PAPSS2: variants seen among roughly 807,000 people sequenced by gnomAD.
The protein encoded by PAPSS2 is 3'-phosphoadenosine 5'-phosphosulfate synthase 2.
Under a neutral mutation model 66.5 loss-of-function variants are expected in PAPSS2, and 61 were observed. The observed-to-expected ratio is 0.92, with a 90% CI of 0.75 to 1.14. The LOEUF (loss-of-function observed/expected upper bound fraction) is 1.14, where lower values mean the gene tolerates loss of function less well. Among genes scored for constraint, PAPSS2 ranks in the 50% most tolerant of loss-of-function variants. The pLI, the probability that PAPSS2 is intolerant of heterozygous loss-of-function variation, is 0.00. For synonymous variants in PAPSS2, 289 were observed against 287.5 expected (o/e 1.01, Z -0.05); for missense variants, 708 against 789.6 (o/e 0.90, Z 1.24).
chr10:87,732,858 T>C (rs1230460327), intron 9 of PAPSS2, among the ~76,000 whole-genome samples: 2 of 152,190 alleles, frequency 1.3e-5, no homozygotes, highest in East Asian at 1.9e-4. Context: ...CTTTAGGTTA[T>C]TAGGGGGACT....
At position 87,745,976 on chromosome 10, in the gene PAPSS2, T is replaced by A. The variant is rs1366285722; in HGVS notation, c.*6T>A. ...GGTCCCTGGAGAAGAACTAAGCCTT[T>A]GGCTCCAGAGTTTCTTTCTGAAGTG... On this transcript the variant is annotated 3_prime_UTR_variant, in exon 13 of 13. Coordinates refer to ENST00000456849, the MANE Select transcript of PAPSS2 (RefSeq NM_001015880.2). 6.2e-7 allele frequency: 1 copy of A among 1,613,952 alleles called. No individual in the cohort carries two copies. Among genetic ancestry groups the A allele is most frequent in the Admixed American group, 1.7e-5 (1 of 60,024 alleles).
In PAPSS2 at chr10:87,659,905, T is replaced by TGCC. The variant is rs1554860724; in HGVS notation, c.-60_-58dup. The TGCC allele has an allele frequency of 1.0e-3, 1,442 of 1,423,762 alleles. 9 individuals carry two copies. The East Asian group carries it at 0.02, about 20-fold the overall frequency. The allele number at this position is 1,423,762 out of a possible 1,614,324, so 88.2% of individuals were successfully genotyped here. ...CCGCTGCTGCTGCTGCTGCTGCTGC[T>TGCC]GCCGCCGCCGCCGCCGCCGTCCCTG... On this transcript the variant is annotated 5_prime_UTR_variant, in exon 1 of 13. Transcript: ENST00000456849.
intron 9 of PAPSS2, 38 bp from the exon 10 acceptor site, chr10:87,741,197 C>G: frequency 6.2e-7 from 1 of 1,608,054 alleles, no homozygotes; most frequent in Non-Finnish European, 8.5e-7. Context: ...ATAGAAATCA[C>G]AATTAATCAT....
At chr10:87,743,777 A>G in intron 11 of PAPSS2, 136 bp downstream of exon 11, 1 of 1,032,708 alleles carries the variant, frequency 9.7e-7, no homozygotes. Flanking sequence ...TCTCTTCTTT[A>G]TCTAGCTTAA....
intron 1 of PAPSS2, among the ~76,000 whole-genome samples, chr10:87,660,556 T>C (rs1269318163): frequency 6.6e-6 from 1 of 152,052 alleles, no homozygotes; most frequent in Non-Finnish European, 1.5e-5. Context: ...GATTTCGGCA[T>C]TGGGTGGCAT....
chr10:87,736,417 G>A (rs1240236430), intron 9 of PAPSS2, among the ~76,000 whole-genome samples: 1 of 151,666 alleles, frequency 6.6e-6, no homozygotes. Context: ...ACAGGTGCCC[G>A]CCACCAGGCC....
At chr10:87,713,003 C>A in intron 2 of PAPSS2, 72 bp from the exon 3 acceptor site, 14 of 782,954 alleles carry the variant, frequency 1.8e-5, no homozygotes, top group Middle Eastern at 2.4e-4. Flanking sequence ...TTTAAAATTA[C>A]TAGATTAGTT....
intron 1 of PAPSS2, among the ~76,000 whole-genome samples, chr10:87,682,794 A>G (rs926548061): frequency 6.6e-6 from 1 of 152,178 alleles, no homozygotes; most frequent in Non-Finnish European, 1.5e-5. Context: ...GGCACAATAA[A>G]AAGAAGGAGC....
chr10:87,670,043 T>C (rs757533639), intron 1 of PAPSS2, among the ~76,000 whole-genome samples: 33 of 152,210 alleles, frequency 2.2e-4, no homozygotes, highest in Non-Finnish European at 7.4e-5. Flanking sequence ...AAAGAGTAAG[T>C]GGCATAAATT....
intron 1 of PAPSS2, among the ~76,000 whole-genome samples, chr10:87,674,145 G>A (rs1852915128): frequency 6.6e-6 from 1 of 152,146 alleles, no homozygotes; most frequent in African/African-American, 2.4e-5. Context: ...AAGTCAGGAA[G>A]GTTGTGAACT....
At chr10:87,703,307 G>A (rs1380044600) in intron 1 of PAPSS2, among the ~76,000 whole-genome samples, 1 of 126,908 alleles carries the variant, frequency 7.9e-6, no homozygotes, top group African/African-American at 2.9e-5. Context: ...GTGTGTGTGT[G>A]TGTGTGTGTA....
At chr10:87,721,729 T>C in intron 7 of PAPSS2, 27 bp from the exon 8 acceptor site, 1 of 1,522,500 alleles carries the variant, frequency 6.6e-7, no homozygotes, top group Non-Finnish European at 8.9e-7. Context: ...CTGAAAATGT[T>C]TCTTAATTGT....
At chr10:87,704,922 G>A (rs750369824) in intron 1 of PAPSS2, among the ~76,000 whole-genome samples, 3 of 152,180 alleles carry the variant, frequency 2.0e-5, no homozygotes, top group Non-Finnish European at 4.4e-5. Flanking sequence ...GATTACAGGC[G>A]AGAACCACCA....
At chr10:87,670,084 G>A (rs889713933) in intron 1 of PAPSS2, among the ~76,000 whole-genome samples, 4 of 152,170 alleles carry the variant, frequency 2.6e-5, no homozygotes, top group Admixed American at 6.5e-5. Flanking sequence ...ACTATCACAC[G>A]CATTTCTTTC....
intron 11 of PAPSS2, 46 bp from the exon 12 acceptor site, chr10:87,744,956 G>A (rs1365521059): frequency 6.5e-7 from 1 of 1,537,700 alleles, no homozygotes; most frequent in East Asian, 2.2e-5. Context: ...ATGACCTACA[G>A]ATTTGACCCA....
rs987683600 is a variant in PAPSS2, at chr10:87,667,078, T to C, written c.27+7070T>C. 4.6e-5 allele frequency among the ~76,000 whole-genome samples: 7 copies of C among 152,358 alleles called. No individual in the cohort carries two copies. The South Asian group carries it at 1.4e-3, about 32-fold the overall frequency. ...AGCTTTCCCAAAAGGTTAATTGGTT[T>C]ATCATAAGCATTGAATTTGTTATAA... On this transcript the variant is annotated intron_variant, in intron 1 of 12. Transcript: ENST00000456849.
intron 1 of PAPSS2, among the ~76,000 whole-genome samples, chr10:87,695,473 C>T (rs966669498): frequency 6.6e-6 from 1 of 152,164 alleles, no homozygotes; most frequent in African/African-American, 2.4e-5. Flanking sequence ...GGGCAAAAGG[C>T]AAGGGGAGGA....
chr10:87,698,596 A>G (rs940951705), intron 1 of PAPSS2, among the ~76,000 whole-genome samples: 1 of 152,240 alleles, frequency 6.6e-6, no homozygotes, highest in African/African-American at 2.4e-5. Flanking sequence ...TGTTTGCATG[A>G]TAAGTAAATG....
chr10:87,666,636 T>A (rs544519323), intron 1 of PAPSS2, among the ~76,000 whole-genome samples: 1 of 152,222 alleles, frequency 6.6e-6, no homozygotes, highest in African/African-American at 2.4e-5. Context: ...CAATTTCAAG[T>A]GCGTTCTTGT....
Sources: gnomAD v4.1 joint callset for allele counts (sites outside exome capture counted in the v4.1 genomes callset) on GRCh38, gnomAD v4.1.1 for gene constraint, MANE v1.5 for transcripts, NCBI Gene and HGNC (gene_info 2026-07-23, HGNC 2026-07-21) for gene names.